The following PRKG1 variants were observed in gnomAD, a reference collection of about 807,000 sequenced individuals.
PRKG1 encodes the protein cGMP-dependent protein kinase 1.
In PRKG1, 35 loss-of-function variants were observed where a neutral mutation model predicts 88.1. The ratio of observed to expected loss-of-function variants is 0.40; its 90% CI spans 0.30 to 0.53. PRKG1 has a LOEUF of 0.53. PRKG1 is among the 20% of genes least tolerant of loss of function. The pLI, the probability that PRKG1 is intolerant of heterozygous loss-of-function variation, is 0.59. For missense variants in PRKG1, 540 were observed against 839.8 expected (o/e 0.64, Z 4.41); for synonymous variants, 303 against 292.5 (o/e 1.04, Z -0.37).
intron 2 of PRKG1, among the ~76,000 whole-genome samples, chr10:51,179,913 C>A (rs1331896374): frequency 6.6e-6 from 1 of 152,030 alleles, no homozygotes; most frequent in East Asian, 1.9e-4. Flanking sequence ...ATTAATAGTC[C>A]CTACCACAAA....
chr10:52,235,589 AG>A (rs1315363808), intron 9 of PRKG1, among the ~76,000 whole-genome samples: 1 of 136,886 alleles, frequency 7.3e-6, no homozygotes, highest in Non-Finnish European at 1.6e-5. Context: ...ATAATGGTAA[AG>A]GGATCAATTC....
At chr10:51,162,481 G>A (rs1031525030) in intron 2 of PRKG1, among the ~76,000 whole-genome samples, 6 of 152,156 alleles carry the variant, frequency 3.9e-5, no homozygotes, top group Admixed American at 1.3e-4. Context: ...CAGAGATTTA[G>A]AATTATGGTG....
At chr10:52,114,305 T>C (rs1012105888) in intron 7 of PRKG1, among the ~76,000 whole-genome samples, 1 of 152,126 alleles carries the variant, frequency 6.6e-6, no homozygotes, top group Non-Finnish European at 1.5e-5. Flanking sequence ...TTTAGCTGTA[T>C]GACTCCTGCC....
chr10:51,354,854 G>T lies in PRKG1; in HGVS notation c.479-112869G>T, dbSNP rs965134793. 4.6e-5 allele frequency among the ~76,000 whole-genome samples: 7 copies of T among 152,182 alleles called. No individual in the cohort carries two copies. The South Asian group carries it at 8.3e-4, about 18-fold the overall frequency. On this transcript the variant is annotated intron_variant, in intron 2 of 17. Transcript: ENST00000373980. ...GTGTTACTTGTCTGTTTTGATTAAA[G>T]ATATCAAAAAACAGATTAAGGGTCT...
intron 5 of PRKG1, among the ~76,000 whole-genome samples, chr10:51,983,491 C>G (rs778961605): frequency 5.9e-5 from 9 of 152,116 alleles, no homozygotes; most frequent in African/African-American, 9.7e-5. Flanking sequence ...TGCTGGGGCC[C>G]CAGGAGAGGA....
intron 3 of PRKG1, among the ~76,000 whole-genome samples, chr10:51,594,666 A>G (rs1205601384): frequency 6.6e-6 from 1 of 152,192 alleles, no homozygotes; most frequent in Non-Finnish European, 1.5e-5. Context: ...TTAGCCTAAC[A>G]CAAACTCTTA....
intron 5 of PRKG1, among the ~76,000 whole-genome samples, chr10:52,016,298 G>A (rs12572645): frequency 1.3e-5 from 2 of 152,070 alleles, no homozygotes; most frequent in Non-Finnish European, 2.9e-5. Flanking sequence ...GAATCAAGAC[G>A]TTTTTTATAT....
At chr10:51,044,573 T>A (rs1843463912) in intron 1 of PRKG1, among the ~76,000 whole-genome samples, 1 of 149,834 alleles carries the variant, frequency 6.7e-6, no homozygotes. Context: ...AGAGGAAATT[T>A]TTTTTTTTAT....
chr10:51,922,781 T>C (rs908356553), intron 5 of PRKG1, among the ~76,000 whole-genome samples: 1 of 152,056 alleles, frequency 6.6e-6, no homozygotes, highest in African/African-American at 2.4e-5. Flanking sequence ...TTTATTCTTT[T>C]GAATTTGTTA....
intron 9 of PRKG1, among the ~76,000 whole-genome samples, chr10:52,194,505 G>A (rs1589690843): frequency 1.3e-5 from 2 of 152,120 alleles, no homozygotes; most frequent in East Asian, 1.9e-4. Flanking sequence ...ATTAGTATTT[G>A]AGTTATTTAA....
intron 3 of PRKG1, among the ~76,000 whole-genome samples, chr10:51,637,522 G>T (rs945310266): frequency 3.3e-5 from 5 of 152,176 alleles, no homozygotes; most frequent in African/African-American, 1.2e-4. Context: ...TCAATGTAAA[G>T]GTTGATCAAT....
chr10:51,264,251 G>A (rs551453639), intron 2 of PRKG1, among the ~76,000 whole-genome samples: 1 of 152,314 alleles, frequency 6.6e-6, no homozygotes, highest in South Asian at 2.1e-4. Flanking sequence ...AAAGATATTT[G>A]AAGGTTGCAT....
chr10:51,419,564 G>T (rs1838350318), intron 2 of PRKG1, among the ~76,000 whole-genome samples: 1 of 152,160 alleles, frequency 6.6e-6, no homozygotes, highest in Admixed American at 6.6e-5. Context: ...CATTCTAAGA[G>T]CTATTAATGA....
At chr10:51,627,805 G>A (rs922026561) in intron 3 of PRKG1, among the ~76,000 whole-genome samples, 1 of 151,852 alleles carries the variant, frequency 6.6e-6, no homozygotes, top group Non-Finnish European at 1.5e-5. Flanking sequence ...TGAAATGGTA[G>A]AATGGTAGCT....
At chr10:51,630,492 G>T (rs559376850) in intron 3 of PRKG1, among the ~76,000 whole-genome samples, 1 of 152,260 alleles carries the variant, frequency 6.6e-6, no homozygotes, top group African/African-American at 2.4e-5. Flanking sequence ...GACCAGTTCA[G>T]ATTTCCCGAT....
At chr10:51,675,950 C>G (rs115545940) in intron 3 of PRKG1, among the ~76,000 whole-genome samples, 8 of 152,090 alleles carry the variant, frequency 5.3e-5, no homozygotes, top group Non-Finnish European at 1.2e-4. Context: ...CAGGGAGGGT[C>G]GTGGGCCCTT....
chr10:51,142,874 A>C (rs1350662316), intron 1 of PRKG1, among the ~76,000 whole-genome samples: 1 of 152,112 alleles, frequency 6.6e-6, no homozygotes, highest in Non-Finnish European at 1.5e-5. Context: ...ATAACATCAT[A>C]TGCTTTTATC....
intron 2 of PRKG1, among the ~76,000 whole-genome samples, chr10:51,399,142 T>A (rs1158366045): frequency 6.6e-6 from 1 of 151,838 alleles, no homozygotes; most frequent in Non-Finnish European, 1.5e-5. Flanking sequence ...CATATACATG[T>A]ATAAATAAGA....
chr10:52,028,214 A>G (rs1331542148), intron 5 of PRKG1, among the ~76,000 whole-genome samples: 1 of 152,092 alleles, frequency 6.6e-6, no homozygotes, highest in Non-Finnish European at 1.5e-5. Context: ...CTATAGTTTA[A>G]GTTTTTGTGT....
Sources: gnomAD v4.1 joint callset for allele counts (sites outside exome capture counted in the v4.1 genomes callset) on GRCh38, gnomAD v4.1.1 for gene constraint, MANE v1.5 for transcripts, NCBI Gene and HGNC (gene_info 2026-07-23, HGNC 2026-07-21) for gene names.